Variants in MICAL2 observed in about 807,000 individuals in gnomAD.
MICAL2 encodes [F-actin]-monooxygenase MICAL2.
Under a neutral mutation model 127.3 loss-of-function variants are expected in MICAL2, and 77 were observed. The ratio of observed to expected loss-of-function variants is 0.60; its 90% CI spans 0.50 to 0.73. The LOEUF (loss-of-function observed/expected upper bound fraction) is 0.73, where lower values mean the gene tolerates loss of function less well. Ranked by LOEUF, MICAL2 falls within the 30% of genes least tolerant of loss-of-function variation. MICAL2 has a pLI of 0.00. For missense variants in MICAL2, 1,351 were observed against 1,434.4 expected (o/e 0.94, Z 0.94); for synonymous variants, 570 against 551.1 (o/e 1.03, Z -0.48).
At chr11:12,358,537 C>G, downstream of MICAL2, 1 of 1,509,146 alleles carries the variant, frequency 6.6e-7, no homozygotes, top group Non-Finnish European at 9.1e-7. Flanking sequence ...GCCAAGTGCA[C>G]CACACACCCT....
chr11:12,280,837 T>G (rs1409131918), intron 1 of MICAL2: 1 of 397,770 alleles, frequency 2.5e-6, no homozygotes, highest in East Asian at 3.6e-5. Flanking sequence ...GCCCCCCAGG[T>G]GCGCTGGAGC....
At chr11:12,183,166 C>CTTTTTTTT (rs11409042) in intron 3 of MICAL2, among the ~76,000 whole-genome samples, 1 of 146,762 alleles carries the variant, frequency 6.8e-6, no homozygotes, top group Non-Finnish European at 1.5e-5. Context: ...ATCCTGACTC[C>CTTTTTTTT]TTTTTTTTTT....
At chr11:12,261,636 G>A (rs1329074942) in intron 26 of MICAL2, 1 of 985,488 alleles carries the variant, frequency 1.0e-6, no homozygotes, top group Non-Finnish European at 1.2e-6. Context: ...CTGGGTGTGG[G>A]TGAGGAGTCA....
chr11:12,244,886 T>C (rs1239913308), intron 21 of MICAL2, among the ~76,000 whole-genome samples: 2 of 152,194 alleles, frequency 1.3e-5, no homozygotes, highest in Admixed American at 1.3e-4. Flanking sequence ...CTCTGGGTTA[T>C]AGGAAGCCAC....
intron 29 of MICAL2, among the ~76,000 whole-genome samples, chr11:12,308,466 G>C (rs1864137940): frequency 6.6e-6 from 1 of 152,058 alleles, no homozygotes; most frequent in Non-Finnish European, 1.5e-5. Flanking sequence ...AGTTTTCAGT[G>C]TGTGGATTTT....
chr11:12,177,976 A>G (rs1218230420), intron 3 of MICAL2, among the ~76,000 whole-genome samples: 1 of 152,240 alleles, frequency 6.6e-6, no homozygotes, highest in Non-Finnish European at 1.5e-5. Flanking sequence ...CCAGGGTGAT[A>G]AGAGTGTCTT....
downstream of MICAL2, among the ~76,000 whole-genome samples, chr11:12,361,154 T>A (rs1002216252): frequency 2.6e-5 from 4 of 152,204 alleles, no homozygotes; most frequent in Non-Finnish European, 5.9e-5. Flanking sequence ...CAGGTCATAT[T>A]TCACAGTCAG....
chr11:12,187,909 C>T (rs1470573152), intron 3 of MICAL2, among the ~76,000 whole-genome samples: 4 of 132,278 alleles, frequency 3.0e-5, no homozygotes, highest in Non-Finnish European at 4.8e-5. Flanking sequence ...GGGCAGTTCC[C>T]GGGGTGGGGT....
chr11:12,123,008 C>A (rs942949146), intron 1 of MICAL2, among the ~76,000 whole-genome samples: 1 of 152,056 alleles, frequency 6.6e-6, no homozygotes, highest in African/African-American at 2.4e-5. Flanking sequence ...GAGAGTAGGT[C>A]TAATCTGTCT....
At chr11:12,204,135 T>C in intron 3 of MICAL2, 115 bp from the exon 4 acceptor site, 1 of 961,428 alleles carries the variant, frequency 1.0e-6, no homozygotes, top group Non-Finnish European at 1.6e-6. Flanking sequence ...CAGCTTGCAC[T>C]TGCTGGTTGG....
At chr11:12,291,803 A>G (rs1565295433), downstream of MICAL2, among the ~76,000 whole-genome samples, 1 of 152,182 alleles carries the variant, frequency 6.6e-6, no homozygotes, top group Admixed American at 6.5e-5. Flanking sequence ...CCAGCTCCCA[A>G]CCACAATGGT....
At chr11:12,329,871 A>AAG (rs1221636730) in intron 32 of MICAL2, among the ~76,000 whole-genome samples, 5 of 150,988 alleles carry the variant, frequency 3.3e-5, no homozygotes, top group African/African-American at 9.7e-5. Context: ...TGAAAAAAAA[A>AAG]AAAAAAAAAA....
intron 3 of MICAL2, among the ~76,000 whole-genome samples, chr11:12,180,349 A>ATTT (rs72520147): frequency 0.011 from 1,579 of 139,702 alleles, 22 homozygotes; most frequent in Middle Eastern, 0.026. Context: ...ATATGTATAT[A>ATTT]TTTTTTTTTT....
chr11:12,319,620 G>A (rs984158888), intron 29 of MICAL2: 1 of 1,053,886 alleles, frequency 9.5e-7, no homozygotes. Flanking sequence ...AGTGGGGGAG[G>A]AGGAAGCAGC....
At chr11:12,142,695 CAT>C (rs1195063286) in intron 2 of MICAL2, among the ~76,000 whole-genome samples, 1 of 152,226 alleles carries the variant, frequency 6.6e-6, no homozygotes, top group Non-Finnish European at 1.5e-5. Context: ...ACTAGGTTTA[CAT>C]ATATTACCTT....
chr11:12,322,345 A>G (rs1864308720), intron 30 of MICAL2, among the ~76,000 whole-genome samples: 1 of 152,142 alleles, frequency 6.6e-6, no homozygotes, highest in Admixed American at 6.5e-5. Flanking sequence ...CTGCCCCATG[A>G]AGAATCCCCC....
intron 3 of MICAL2, among the ~76,000 whole-genome samples, chr11:12,170,550 C>T (rs1856118077): frequency 1.3e-5 from 2 of 152,252 alleles, no homozygotes; most frequent in Admixed American, 6.5e-5. Context: ...TTATATTTCT[C>T]TTGAAAATTT....
At chr11:12,303,182 A>C (rs1312444042) in intron 29 of MICAL2, among the ~76,000 whole-genome samples, 2 of 152,206 alleles carry the variant, frequency 1.3e-5, no homozygotes, top group Non-Finnish European at 2.9e-5. Context: ...TGGGGATTAC[A>C]GTTCAAGGTG....
intron 8 of MICAL2, among the ~76,000 whole-genome samples, chr11:12,219,646 G>C (rs1004308753): frequency 6.8e-6 from 1 of 147,068 alleles, no homozygotes; most frequent in Non-Finnish European, 1.5e-5. Flanking sequence ...TTCTGGTCTT[G>C]TTTGACCACT....
Sources: allele counts gnomAD v4.1 joint callset (sites outside exome capture counted in the v4.1 genomes callset), GRCh38; gene constraint gnomAD v4.1.1; transcripts MANE v1.5; gene names NCBI Gene and HGNC (gene_info 2026-07-23, HGNC 2026-07-21).